The following RIMS2 variants were observed in gnomAD, a reference collection of about 807,000 sequenced individuals.
The protein encoded by RIMS2 is regulating synaptic membrane exocytosis 2.
A neutral mutation model predicts 174.4 loss-of-function variants in RIMS2; 59 were observed. The observed-to-expected ratio is 0.34, with a 90% CI of 0.27 to 0.42. RIMS2 has a LOEUF of 0.42. RIMS2 is among the 10% of genes least tolerant of loss of function. The pLI is 1.00. For synonymous variants in RIMS2, 606 were observed against 572.5 expected (o/e 1.06, Z -0.84); for missense variants, 1,620 against 1,666.3 (o/e 0.97, Z 0.48).
chr8:104,061,688 A>G (rs1396803665), intron 19 of RIMS2, among the ~76,000 whole-genome samples: 1 of 150,718 alleles, frequency 6.6e-6, no homozygotes, highest in Non-Finnish European at 1.5e-5. Context: ...TTACTGTTTA[A>G]TCTGTTTTAT....
intron 1 of RIMS2, among the ~76,000 whole-genome samples, chr8:103,610,594 G>T (rs1388773560): frequency 6.6e-6 from 1 of 152,112 alleles, no homozygotes; most frequent in Non-Finnish European, 1.5e-5. Context: ...ATAATGATGT[G>T]CTTTGTTTAT....
At chr8:104,019,407 G>A (rs2096023452) in intron 19 of RIMS2, among the ~76,000 whole-genome samples, 1 of 152,050 alleles carries the variant, frequency 6.6e-6, no homozygotes, top group Admixed American at 6.6e-5. Context: ...ATAATAGAGT[G>A]TACTTTTTGT....
chr8:104,155,220 C>T (rs1254874137), intron 19 of RIMS2, among the ~76,000 whole-genome samples: 2 of 151,898 alleles, frequency 1.3e-5, no homozygotes, highest in Non-Finnish European at 2.9e-5. Flanking sequence ...CATTCTCCTG[C>T]CTCAGCCTCC....
intron 1 of RIMS2, among the ~76,000 whole-genome samples, chr8:103,520,313 A>G (rs1362801341): frequency 6.6e-6 from 1 of 152,148 alleles, no homozygotes; most frequent in African/African-American, 2.4e-5. Context: ...ATCTGAAGTT[A>G]GATTCATTTG....
intron 1 of RIMS2, among the ~76,000 whole-genome samples, chr8:103,669,530 TA>T (rs1438865972): frequency 2.0e-5 from 3 of 152,190 alleles, no homozygotes; most frequent in African/African-American, 7.2e-5. Flanking sequence ...TATGAGCCTG[TA>T]AAATCAAAAG....
chr8:103,751,766 T>C (rs2097895090), intron 2 of RIMS2, among the ~76,000 whole-genome samples: 1 of 150,926 alleles, frequency 6.6e-6, no homozygotes, highest in Non-Finnish European at 1.5e-5. Context: ...TGTCTGTTCA[T>C]GTCCTTCGCC....
intron 1 of RIMS2, among the ~76,000 whole-genome samples, chr8:103,638,159 T>A (rs1192280828): frequency 6.6e-6 from 1 of 152,140 alleles, no homozygotes; most frequent in Non-Finnish European, 1.5e-5. Flanking sequence ...TGGTTGCAAG[T>A]GGGTCACTAA....
chr8:104,196,681 T>G (rs1244275490), intron 19 of RIMS2, among the ~76,000 whole-genome samples: 1 of 152,174 alleles, frequency 6.6e-6, no homozygotes, highest in African/African-American at 2.4e-5. Flanking sequence ...CTTTGTTCTG[T>G]ACTAAGAAGT....
chr8:103,917,034 G>A (rs1565296797), intron 8 of RIMS2, among the ~76,000 whole-genome samples: 1 of 152,094 alleles, frequency 6.6e-6, no homozygotes, highest in Non-Finnish European at 1.5e-5. Flanking sequence ...TTATACCTCT[G>A]TTTTATAATG....
At chr8:103,773,579 A>G (rs1164952817) in intron 3 of RIMS2, among the ~76,000 whole-genome samples, 1 of 152,092 alleles carries the variant, frequency 6.6e-6, no homozygotes, top group African/African-American at 2.4e-5. Context: ...AAAATACAAA[A>G]TTAGCTGGGT....
chr8:103,697,169 G>A (rs557152439), exon 2 of RIMS2: 2 of 1,613,686 alleles, frequency 1.2e-6, no homozygotes, highest in African/African-American at 1.3e-5. Context: ...GAACAGAAGG[G>A]TGATGCGCCA....
intron 2 of RIMS2, 68 bp downstream of exon 4, chr8:103,697,364 G>A: frequency 8.3e-7 from 1 of 1,211,754 alleles, no homozygotes. Flanking sequence ...ACGTTAGAGA[G>A]TATGTTAATT....
chr8:103,893,939 A>G (rs2099262761), intron 4 of RIMS2, among the ~76,000 whole-genome samples: 1 of 152,078 alleles, frequency 6.6e-6, no homozygotes, highest in South Asian at 2.1e-4. Flanking sequence ...CTGTGCACAC[A>G]TTATGTCATG....
intron 19 of RIMS2, among the ~76,000 whole-genome samples, chr8:104,174,168 A>G (rs2135578084): frequency 6.6e-6 from 1 of 152,168 alleles, no homozygotes; most frequent in Admixed American, 6.5e-5. Flanking sequence ...GCTGGTCTGG[A>G]ACTCCTGACC....
chr8:103,674,945 T>C (rs2096789301), intron 1 of RIMS2, among the ~76,000 whole-genome samples: 1 of 152,228 alleles, frequency 6.6e-6, no homozygotes, highest in Non-Finnish European at 1.5e-5. Flanking sequence ...TACAAATGAA[T>C]CATTTTTTGA....
intron 1 of RIMS2, among the ~76,000 whole-genome samples, chr8:103,592,572 CA>C (rs985932680): frequency 4.0e-5 from 6 of 151,290 alleles, no homozygotes; most frequent in African/African-American, 1.5e-4. Context: ...CAGTGGTTCT[CA>C]AAGTGTGATA....
chr8:103,705,782 G>A (rs976786188), intron 2 of RIMS2, among the ~76,000 whole-genome samples: 1 of 150,432 alleles, frequency 6.6e-6, no homozygotes, highest in African/African-American at 2.4e-5. Flanking sequence ...TCTTTTCCAT[G>A]CATGTATGTC....
At chr8:103,850,330 T>C (rs2098990691) in intron 3 of RIMS2, among the ~76,000 whole-genome samples, 1 of 152,032 alleles carries the variant, frequency 6.6e-6, no homozygotes, top group African/African-American at 2.4e-5. Context: ...CAATGAGTAT[T>C]TAATTTCAAA....
At chr8:103,905,871 C>G (rs2074300111) in intron 4 of RIMS2, among the ~76,000 whole-genome samples, 1 of 149,260 alleles carries the variant, frequency 6.7e-6, no homozygotes, top group Non-Finnish European at 1.5e-5. Flanking sequence ...ATTCCTCTGT[C>G]CTCTCCATTC....
Sources: gnomAD v4.1 joint callset for allele counts (sites outside exome capture counted in the v4.1 genomes callset) on GRCh38, gnomAD v4.1.1 for gene constraint, MANE v1.5 for transcripts, NCBI Gene and HGNC (gene_info 2026-07-23, HGNC 2026-07-21) for gene names.